QTMAN: variants seen among roughly 807,000 people sequenced by gnomAD.
QTMAN encodes the protein queuosine-tRNA mannosyltransferase, also known as tRNA-queuosine alpha-mannosyltransferase.
At chr2:144,052,183 TAA>T in the QTMAN span, among the ~76,000 whole-genome samples, 2 of 152,146 alleles carry the variant, frequency 1.3e-5, no homozygotes, top group Non-Finnish European at 2.9e-5. Flanking sequence ...TCAGAAATGT[TAA>T]AGAGTCTGGA....
At chr2:144,265,018 T>A in the QTMAN span, among the ~76,000 whole-genome samples, 1 of 152,244 alleles carries the variant, frequency 6.6e-6, no homozygotes, top group Non-Finnish European at 1.5e-5. Context: ...AGGGAGGCAG[T>A]GTACTGATTT....
chr2:144,067,007 C>T, the QTMAN span, among the ~76,000 whole-genome samples: 5 of 152,206 alleles, frequency 3.3e-5, no homozygotes, highest in Non-Finnish European at 7.3e-5. Flanking sequence ...CATATTCGGT[C>T]TGTTCTACCT....
chr2:144,057,690 T>C, the QTMAN span, among the ~76,000 whole-genome samples: 2 of 152,222 alleles, frequency 1.3e-5, no homozygotes, highest in African/African-American at 4.8e-5. Flanking sequence ...CTCTTCCAAG[T>C]ATTTATGATT....
the QTMAN span, among the ~76,000 whole-genome samples, chr2:144,051,141 A>G: frequency 6.6e-6 from 1 of 152,072 alleles, no homozygotes; most frequent in African/African-American, 2.4e-5. Context: ...TGCTCTTATT[A>G]TTTTATTGAT....
At chr2:143,979,101 A>G in the QTMAN span, among the ~76,000 whole-genome samples, 4 of 152,140 alleles carry the variant, frequency 2.6e-5, no homozygotes, top group African/African-American at 9.7e-5. Flanking sequence ...AAAGTGTTCA[A>G]TCTCAGCAAG....
the QTMAN span, among the ~76,000 whole-genome samples, chr2:144,112,906 C>A: frequency 1.3e-5 from 2 of 152,124 alleles, no homozygotes. Flanking sequence ...CAGAAGAACT[C>A]AGACGTCCAC....
chr2:144,118,836 G>T, the QTMAN span, among the ~76,000 whole-genome samples: 1 of 152,114 alleles, frequency 6.6e-6, no homozygotes. Context: ...AGCCGAGATC[G>T]CACCACTGCA....
At chr2:144,215,388 TC>T in the QTMAN span, among the ~76,000 whole-genome samples, 7 of 151,756 alleles carry the variant, frequency 4.6e-5, no homozygotes, top group African/African-American at 1.7e-4. Context: ...TCCACAAGCA[TC>T]AAATGCAAAC....
At chr2:144,101,233 C>G in the QTMAN span, among the ~76,000 whole-genome samples, 84 of 152,166 alleles carry the variant, frequency 5.5e-4, 1 homozygote, top group East Asian at 0.014. Context: ...AAGACATTTT[C>G]CAAAGTTTTA....
chr2:143,997,655 T>C, the QTMAN span, among the ~76,000 whole-genome samples: 2 of 152,110 alleles, frequency 1.3e-5, no homozygotes, highest in East Asian at 3.9e-4. Context: ...CATAAGAATT[T>C]TCCATAAAAT....
chr2:144,246,832 C>A, the QTMAN span, among the ~76,000 whole-genome samples: 1 of 152,036 alleles, frequency 6.6e-6, no homozygotes, highest in East Asian at 1.9e-4. Flanking sequence ...ATCCTTATAC[C>A]CAGACATTCT....
the QTMAN span, among the ~76,000 whole-genome samples, chr2:144,314,937 G>A: frequency 1.3e-5 from 2 of 152,124 alleles, no homozygotes; most frequent in Non-Finnish European, 2.9e-5. Flanking sequence ...CTAGGCTGGA[G>A]TGCAGTGGAG....
At chr2:144,332,887 C>G in the QTMAN span, among the ~76,000 whole-genome samples, 1 of 152,228 alleles carries the variant, frequency 6.6e-6, no homozygotes, top group Non-Finnish European at 1.5e-5. Context: ...CCTTCTCTTT[C>G]CTTCTGGAAG....
the QTMAN span, among the ~76,000 whole-genome samples, chr2:143,971,344 A>G: frequency 1.3e-5 from 2 of 152,274 alleles, no homozygotes; most frequent in South Asian, 4.1e-4. Context: ...ATACATCAAA[A>G]GGAGGTAGGT....
At chr2:144,283,114 T>C in the QTMAN span, among the ~76,000 whole-genome samples, 26 of 152,304 alleles carry the variant, frequency 1.7e-4, no homozygotes, top group African/African-American at 6.0e-4. Context: ...GGTAAAAGTA[T>C]TTCCCTGAGT....
At chr2:144,148,732 T>C in the QTMAN span, among the ~76,000 whole-genome samples, 1 of 151,688 alleles carries the variant, frequency 6.6e-6, no homozygotes, top group Non-Finnish European at 1.5e-5. Context: ...AGTTCAGCCT[T>C]CCAAAGAAAA....
At chr2:144,325,001 T>G in the QTMAN span, among the ~76,000 whole-genome samples, 1 of 152,174 alleles carries the variant, frequency 6.6e-6, no homozygotes, top group African/African-American at 2.4e-5. Flanking sequence ...AAAACTCTAA[T>G]CAATCCATAA....
chr2:144,096,352 G>A, the QTMAN span, among the ~76,000 whole-genome samples: 1 of 152,240 alleles, frequency 6.6e-6, no homozygotes, highest in South Asian at 2.1e-4. Flanking sequence ...GCTTTCTTTT[G>A]TCAGAAATTC....
At chr2:144,089,159 G>C in the QTMAN span, among the ~76,000 whole-genome samples, 1 of 151,892 alleles carries the variant, frequency 6.6e-6, no homozygotes, top group Non-Finnish European at 1.5e-5. Context: ...AAGGACATGA[G>C]TAGACATTTC....
Sources: gnomAD v4.1 joint callset for allele counts (sites outside exome capture counted in the v4.1 genomes callset) on GRCh38, gnomAD v4.1.1 for gene constraint, MANE v1.5 for transcripts, NCBI Gene and HGNC (gene_info 2026-07-23, HGNC 2026-07-21) for gene names.